APBA2: variants seen among roughly 807,000 people sequenced by gnomAD.
The protein encoded by APBA2 is amyloid beta precursor protein binding family A member 2, also known as amyloid-beta A4 precursor protein-binding family A member 2.
In APBA2, 30 loss-of-function variants were observed where a neutral mutation model predicts 75.0. The ratio of observed to expected loss-of-function variants is 0.40; its 90% CI spans 0.30 to 0.54. The LOEUF (loss-of-function observed/expected upper bound fraction) is 0.54. Among genes scored for constraint, APBA2 ranks in the 20% least tolerant of loss-of-function variants. The pLI is 0.49. For missense variants in APBA2, 801 were observed against 1,016.1 expected (o/e 0.79, Z 2.88); for synonymous variants, 444 against 409.6 (o/e 1.08, Z -1.01).
intron 2 of APBA2, among the ~76,000 whole-genome samples, chr15:28,986,033 T>A (rs1331104357): frequency 6.6e-6 from 1 of 152,202 alleles, no homozygotes; most frequent in Non-Finnish European, 1.5e-5. Context: ...TATGCTTGTT[T>A]GGCCTAAAAA....
intron 6 of APBA2, among the ~76,000 whole-genome samples, chr15:29,088,424 A>C (rs1566992359): frequency 6.6e-6 from 1 of 152,016 alleles, no homozygotes; most frequent in Non-Finnish European, 1.5e-5. Context: ...TGGAATCCCC[A>C]ACCCAAGCTC....
At chr15:28,927,842 C>T (rs2034355480) in intron 2 of APBA2, among the ~76,000 whole-genome samples, 1 of 151,788 alleles carries the variant, frequency 6.6e-6, no homozygotes, top group East Asian at 2.0e-4. Flanking sequence ...TTCTTCATTT[C>T]TGTTAATAGG....
intron 2 of APBA2, among the ~76,000 whole-genome samples, chr15:28,947,579 G>A (rs2035616504): frequency 1.3e-5 from 2 of 152,236 alleles, no homozygotes; most frequent in Admixed American, 1.3e-4. Context: ...TCTTTGGAGC[G>A]GCTCCACCAC....
intron 2 of APBA2, among the ~76,000 whole-genome samples, chr15:28,992,136 C>G (rs1450898368): frequency 6.6e-6 from 1 of 152,094 alleles, no homozygotes; most frequent in Non-Finnish European, 1.5e-5. Flanking sequence ...GCTGGTGTCC[C>G]CTGCTTTGGA....
At chr15:29,003,759 G>A (rs1459277020) in intron 3 of APBA2, among the ~76,000 whole-genome samples, 2 of 152,378 alleles carry the variant, frequency 1.3e-5, no homozygotes, top group Admixed American at 6.5e-5. Flanking sequence ...TGCAGCTGCA[G>A]TCCACAGGCA....
chr15:29,018,813 A>G (rs2039805932), intron 3 of APBA2, among the ~76,000 whole-genome samples: 1 of 152,108 alleles, frequency 6.6e-6, no homozygotes, highest in Admixed American at 6.5e-5. Context: ...AGTGAGCGAT[A>G]CTCTGTACCT....
rs1408414302 is a variant in APBA2, at chr15:29,064,614, G to A, written c.951+9779G>A. Among the ~76,000 whole-genome samples, 6 of 152,110 alleles carry A rather than the reference G, an allele frequency of 3.9e-5. No individual in the cohort carries two copies. In the East Asian group the frequency reaches 7.7e-4, roughly 20 times the overall value. ...CCGACAAGGTGGGGATGAACATAGAGGTGTGTGGGTGTCCTCAGCATGGAA... is the reference window on the plus strand; with the variant it reads ...CCGACAAGGTGGGGATGAACATAGAAGTGTGTGGGTGTCCTCAGCATGGAA... On this transcript the variant is annotated intron_variant, in intron 4 of 14. Transcript: ENST00000683413.
intron 2 of APBA2, among the ~76,000 whole-genome samples, chr15:28,923,736 G>C (rs1006727338): frequency 2.4e-4 from 36 of 152,330 alleles, no homozygotes; most frequent in African/African-American, 8.4e-4. Flanking sequence ...GAGTCTGACT[G>C]CTCCCTGTTT....
intron 2 of APBA2, among the ~76,000 whole-genome samples, chr15:28,959,084 G>A (rs2036327264): frequency 6.6e-6 from 1 of 152,118 alleles, no homozygotes; most frequent in Non-Finnish European, 1.5e-5. Flanking sequence ...CACCTCCTGG[G>A]TTAAAGCTAT....
chr15:29,110,127 A>G (rs571569804), intron 13 of APBA2, among the ~76,000 whole-genome samples: 1 of 152,224 alleles, frequency 6.6e-6, no homozygotes, highest in Non-Finnish European at 1.5e-5. Flanking sequence ...GTGGATGGGC[A>G]TGGCTGGGCC....
chr15:29,085,701 C>T (rs2043262938), intron 6 of APBA2, among the ~76,000 whole-genome samples: 1 of 151,966 alleles, frequency 6.6e-6, no homozygotes, highest in South Asian at 2.1e-4. Context: ...TTTCTGAGTC[C>T]CGTCAATGTG....
chr15:29,076,194 G>C (rs1173662914), intron 6 of APBA2, 103 bp downstream of exon 6: 9 of 1,265,578 alleles, frequency 7.1e-6, no homozygotes, highest in South Asian at 1.2e-5. Context: ...TGTTTACAAA[G>C]CGTGCCTACC....
chr15:28,925,439 G>C (rs1240724464), intron 2 of APBA2, among the ~76,000 whole-genome samples: 1 of 152,104 alleles, frequency 6.6e-6, no homozygotes, highest in Non-Finnish European at 1.5e-5. Context: ...GTAAAGAATT[G>C]GTGTAATTTC....
intron 7 of APBA2, 68 bp from the exon 8 acceptor site, chr15:29,094,210 G>T: frequency 6.4e-7 from 1 of 1,566,140 alleles, no homozygotes; most frequent in Non-Finnish European, 8.8e-7. Flanking sequence ...CCACCAAAGT[G>T]ACATAACCTC....
At chr15:28,950,015 C>T (rs375829384) in intron 2 of APBA2, among the ~76,000 whole-genome samples, 2 of 152,264 alleles carry the variant, frequency 1.3e-5, no homozygotes, top group East Asian at 3.9e-4. Context: ...AGGAGCCTGT[C>T]CAGGCCACTA....
intron 14 of APBA2, 95 bp from the exon 15 acceptor site, chr15:29,116,967 G>GAAC (rs2152990109): frequency 7.4e-7 from 1 of 1,351,380 alleles, no homozygotes; most frequent in African/African-American, 1.4e-5. Flanking sequence ...ATTTGAAGCA[G>GAAC]AACTCTGGGG....
chr15:28,922,574 C>T (rs2034030572), intron 2 of APBA2, among the ~76,000 whole-genome samples: 1 of 152,190 alleles, frequency 6.6e-6, no homozygotes, highest in South Asian at 2.1e-4. Context: ...TGTGTCACAG[C>T]CATGCTCTGT....
intron 3 of APBA2, among the ~76,000 whole-genome samples, chr15:29,008,022 C>T (rs2039215123): frequency 6.6e-6 from 1 of 152,140 alleles, no homozygotes; most frequent in Non-Finnish European, 1.5e-5. Flanking sequence ...GTGGTGTATA[C>T]ATAGAATGGA....
intron 3 of APBA2, among the ~76,000 whole-genome samples, chr15:29,041,230 T>C (rs144742242): frequency 0.013 from 2,039 of 151,662 alleles, 53 homozygotes; most frequent in African/African-American, 0.047. Context: ...CTCAGCACTT[T>C]GGGAGGCCAA....
Sources: gnomAD v4.1 joint callset for allele counts (sites outside exome capture counted in the v4.1 genomes callset) on GRCh38, gnomAD v4.1.1 for gene constraint, MANE v1.5 for transcripts, NCBI Gene and HGNC (gene_info 2026-07-23, HGNC 2026-07-21) for gene names.